The following GPHN variants were observed in gnomAD, a reference collection of about 807,000 sequenced individuals.
GPHN encodes gephyrin.
Under a neutral mutation model 95.5 loss-of-function variants are expected in GPHN, and 17 were observed. The observed-to-expected ratio is 0.18, with a 90% CI of 0.12 to 0.27. The LOEUF is 0.27. Ranked by LOEUF, GPHN falls within the 10% of genes least tolerant of loss-of-function variation. The pLI is 1.00. For synonymous variants in GPHN, 320 were observed against 322.5 expected (o/e 0.99, Z 0.08); for missense variants, 660 against 978.1 (o/e 0.67, Z 4.34).
intron 4 of GPHN, among the ~76,000 whole-genome samples, chr14:66,851,724 G>A (rs1159705862): frequency 1.3e-5 from 2 of 151,842 alleles, no homozygotes; most frequent in East Asian, 3.9e-4. Flanking sequence ...AAAGGCATTT[G>A]GATTTTTTTT....
At chr14:67,198,238 C>T in the GPHN span, 25 of 1,613,878 alleles carry the variant, frequency 1.5e-5, no homozygotes, top group Middle Eastern at 4.9e-4. Flanking sequence ...TCCCATGATC[C>T]GAGAGATCTT....
chr14:66,833,831 G>A (rs75536744), intron 4 of GPHN, among the ~76,000 whole-genome samples: 7,959 of 152,072 alleles, frequency 0.052, 877 homozygotes, highest in East Asian at 0.42. Context: ...CAAGACAATC[G>A]GAATATGTAA....
chr14:67,253,953 ATTTTGTTTTG>A, the GPHN span, among the ~76,000 whole-genome samples: 1 of 138,666 alleles, frequency 7.2e-6, no homozygotes, highest in African/African-American at 2.9e-5. Context: ...TTGTGTTAAT[ATTTTGTTTTG>A]TTTTTTTTTT....
chr14:67,280,609 A>T, the GPHN span, among the ~76,000 whole-genome samples: 20 of 152,182 alleles, frequency 1.3e-4, no homozygotes, highest in Non-Finnish European at 4.4e-5. Context: ...AATTTGCCAG[A>T]TCAGGTGTTG....
At chr14:67,663,870 C>G in the GPHN span, among the ~76,000 whole-genome samples, 1 of 152,142 alleles carries the variant, frequency 6.6e-6, no homozygotes, top group Non-Finnish European at 1.5e-5. Context: ...AGCATGTAAA[C>G]TTAGATAATT....
At chr14:67,679,144 A>G in the GPHN span, among the ~76,000 whole-genome samples, 34 of 152,340 alleles carry the variant, frequency 2.2e-4, no homozygotes, top group Non-Finnish European at 5.9e-5. Context: ...GGAAGGCATG[A>G]CATGGGCAAG....
chr14:66,963,002 T>C (rs1488677716), intron 8 of GPHN, among the ~76,000 whole-genome samples: 1 of 151,992 alleles, frequency 6.6e-6, no homozygotes, highest in Non-Finnish European at 1.5e-5. Context: ...AGAGATCTTA[T>C]CTCCCTTCAG....
intron 19 of GPHN, among the ~76,000 whole-genome samples, chr14:67,160,168 G>T (rs1423770788): frequency 6.6e-6 from 1 of 151,904 alleles, no homozygotes; most frequent in Admixed American, 6.6e-5. Context: ...AACATTTTCT[G>T]CCCCCACCCT....
At chr14:67,294,710 T>C in the GPHN span, 1 of 152,032 alleles carries the variant, frequency 6.6e-6, no homozygotes, top group Non-Finnish European at 1.5e-5. Flanking sequence ...TCTTGCACTG[T>C]TGCCCAGGCT....
chr14:67,075,687 A>G (rs1387087917), intron 11 of GPHN, among the ~76,000 whole-genome samples: 1 of 152,174 alleles, frequency 6.6e-6, no homozygotes, highest in Non-Finnish European at 1.5e-5. Context: ...ACCTTCATGG[A>G]TGACTTTAAG....
the GPHN span, among the ~76,000 whole-genome samples, chr14:67,405,053 G>A: frequency 6.6e-6 from 1 of 151,274 alleles, no homozygotes. Context: ...GGCCAACATG[G>A]CGAAACCCCA....
the GPHN span, among the ~76,000 whole-genome samples, chr14:67,489,279 C>T: frequency 6.6e-6 from 1 of 152,216 alleles, no homozygotes; most frequent in African/African-American, 2.4e-5. Context: ...TCCCAGTCCT[C>T]AGCCTCCAGA....
intron 8 of GPHN, among the ~76,000 whole-genome samples, chr14:66,935,504 T>TA (rs2067071746): frequency 6.9e-6 from 1 of 143,980 alleles, no homozygotes; most frequent in Non-Finnish European, 1.6e-5. Flanking sequence ...TGTGTGTGTT[T>TA]TTATATATAT....
the GPHN span, chr14:67,684,757 A>G: frequency 3.4e-6 from 1 of 290,856 alleles, no homozygotes; most frequent in Non-Finnish European, 6.3e-6. Context: ...AAGAATAAAG[A>G]AAACTGGACT....
the GPHN span, chr14:67,382,442 T>C: frequency 6.2e-7 from 1 of 1,609,710 alleles, no homozygotes; most frequent in South Asian, 1.1e-5. Context: ...GTCTTTCTCT[T>C]TTAGATTAAT....
chr14:67,376,770 T>C, the GPHN span, among the ~76,000 whole-genome samples: 2 of 152,250 alleles, frequency 1.3e-5, no homozygotes, highest in East Asian at 1.9e-4. Flanking sequence ...ATCATAGTTA[T>C]GTAGATTCAT....
At chr14:67,392,692 G>A in the GPHN span, 1 of 1,614,152 alleles carries the variant, frequency 6.2e-7, no homozygotes, top group Non-Finnish European at 8.5e-7. Flanking sequence ...AGTCATCCAG[G>A]AACTGCTCGG....
chr14:66,597,701 TGG>T (rs1245255501), intron 1 of GPHN, among the ~76,000 whole-genome samples: 2 of 152,106 alleles, frequency 1.3e-5, no homozygotes, highest in Non-Finnish European at 2.9e-5. Flanking sequence ...AACTTGGAAG[TGG>T]GCAGGGCTTC....
the GPHN span, among the ~76,000 whole-genome samples, chr14:67,514,686 G>C: frequency 0.42 from 63,342 of 151,794 alleles, 13,790 homozygotes; most frequent in East Asian, 0.48. Context: ...CCTCCACCCT[G>C]CTGAGGTGGC....
Sources: gnomAD v4.1 joint callset for allele counts (sites outside exome capture counted in the v4.1 genomes callset) on GRCh38, gnomAD v4.1.1 for gene constraint, MANE v1.5 for transcripts, NCBI Gene and HGNC (gene_info 2026-07-23, HGNC 2026-07-21) for gene names.